Variants in PSMB11 observed in about 807,000 individuals in gnomAD.
PSMB11 encodes proteasome subunit beta type-11.
For missense variants in PSMB11, 411 were observed against 408.2 expected, an observed-to-expected ratio of 1.01 and a Z score of -0.06; for synonymous variants, 163 against 167.7, an observed-to-expected ratio of 0.97 and a Z score of 0.22.
chr14:23,042,978 C>T lies in PSMB11; in HGVS notation c.753C>T (p.Leu251=), dbSNP rs2047022549. ...ACVLYVELQK[L]LEPEPEEDAS... is the part of the protein sequence containing the mutation. ...TGCTGTACGTGGAGTTACAGAAGCT[C>T]CTGGAGCCGGAGCCAGAGGAGGATG... Residue 251 remains leucine (L), a synonymous_variant, in exon 1 of 1, where the codon CTC becomes CTT. Coordinates refer to ENST00000408907, the MANE Select transcript of PSMB11 (RefSeq NM_001099780.2). The T allele has an allele frequency of 1.9e-6, 3 of 1,614,126 alleles. No homozygotes were observed. The highest frequency in any genetic ancestry group is 1.3e-5 in the African/African-American group (1 of 75,038).
rs572934212 is a variant in PSMB11 at position 23,042,460 on chromosome 14, GC to G, written c.237del (p.Ser80HisfsTer38). ...SSCGSYVACP[A>X]SCKVIPVHQH... ...CTGTGGCAGCTATGTGGCGTGTCCA[GC>G]CTCATGCAAGGTCATCCCTGTGCAC... On this transcript the variant is annotated frameshift_variant, in exon 1 of 1. Transcript: ENST00000408907. LOFTEE classifies it low-confidence loss of function (END_TRUNC). 8,121 of 1,614,094 alleles carry G rather than the reference GC, an allele frequency of 5.0e-3. 47 individuals carry two copies. The highest frequency in any genetic ancestry group is 5.0e-3 in the Non-Finnish European group (5,873 of 1,180,042).
At position 23,043,035 on chromosome 14, in the gene PSMB11, C is replaced by T. The variant is rs1430820848; in HGVS notation, c.810C>T (p.Ala270=). The T allele has an allele frequency of 6.2e-7, 1 of 1,613,968 alleles. No individual in the cohort carries two copies. The highest frequency in any genetic ancestry group is 1.6e-4 in the Middle Eastern group (1 of 6,062). ...ATGCCCATCCTGAGCCTGCCACTGC[C>T]CACAGAGCTGCAGAAGATAGAGAGC... The part of the protein sequence containing the change: ...ASHAHPEPAT[A]HRAAEDRELS... The change falls in exon 1 of 1, where the codon GCC becomes GCT. Residue 270 remains alanine (A), a synonymous_variant. Coordinates refer to ENST00000408907, the MANE Select transcript of PSMB11 (RefSeq NM_001099780.2).
In PSMB11 at chr14:23,042,367, C is replaced by T; in HGVS notation, c.142C>T (p.His48Tyr). 6.2e-7 allele frequency: 1 copy of T among 1,613,772 alleles called. No homozygotes were observed. Among genetic ancestry groups the T allele is most frequent in the Non-Finnish European group, 8.5e-7 (1 of 1,180,026 alleles). Residue 48 changes from histidine (H) to tyrosine (Y), a missense_variant, in exon 1 of 1, where the codon CAC becomes TAC. Physicochemically the swap from His to Tyr is moderately conservative, Grantham distance 83. Coordinates refer to ENST00000408907, the MANE Select transcript of PSMB11 (RefSeq NM_001099780.2). ...GCAGATCCATGGCCCCAGACTGGCCCACGGCACCACCACTCTGGCCTTCCG... is the reference window on the plus strand; with the variant it reads ...GCAGATCCATGGCCCCAGACTGGCCTACGGCACCACCACTCTGGCCTTCCG... ...FLQIHGPRLA[H>Y]GTTTLAFRFR...
Position 23,042,656 on chromosome 14 carries a change from TC to T in PSMB11, c.432del (p.Cys145ValfsTer44), listed in dbSNP as rs1205325070. The T allele has an allele frequency of 1.9e-6, 3 of 1,614,016 alleles. No homozygotes were observed. Among genetic ancestry groups the T allele is most frequent in the Non-Finnish European group, 2.5e-6 (3 of 1,180,034 alleles). On this transcript the variant is annotated frameshift_variant, in exon 1 of 1. Transcript: ENST00000408907. LOFTEE classifies it low-confidence loss of function (END_TRUNC). ...ATGTCTCAATACCGGGGACTGGATC[TC>T]TGTGTGGCCACTGCCCTCTGCGGCT... ...AMMSQYRGLD[L>X]CVATALCGWD...
chr14:23,042,726 C>A lies in PSMB11; in HGVS notation c.501C>A (p.Gly167=), dbSNP rs370430852. ...GPELFYVYSD[G]TRLQGDIFSV... ...AGCTCTTCTACGTCTATAGCGACGGCACCCGCCTGCAGGGGGACATCTTCT... is the reference window on the plus strand; with the variant it reads ...AGCTCTTCTACGTCTATAGCGACGGAACCCGCCTGCAGGGGGACATCTTCT... The change falls in exon 1 of 1, where the codon GGC becomes GGA. Residue 167 remains glycine (G), a synonymous_variant. Transcript: ENST00000408907. 1 of 1,612,796 alleles carries A rather than the reference C, an allele frequency of 6.2e-7. No individual in the cohort carries two copies. The highest frequency in any genetic ancestry group is 8.5e-7 in the Non-Finnish European group (1 of 1,179,830).
In PSMB11 at chr14:23,042,506, C is replaced by G. The variant is rs760961422; in HGVS notation, c.281C>G (p.Thr94Ser). The change falls in exon 1 of 1, where the codon ACC (threonine) becomes AGC (serine). Residue 94 changes from threonine to serine, a missense_variant. By Grantham distance (58) the Thr-to-Ser change is moderately conservative. Transcript: ENST00000408907. ...GTGCACCAGCACCTCCTGGGTACCA[C>G]CTCTGGCACCTCTGCCGACTGTGCT... is the stretch of plus-strand genomic sequence containing the variant. ...IPVHQHLLGT[T>S]SGTSADCATW... The G allele has an allele frequency of 1.2e-6, 2 of 1,614,112 alleles. No individual in the cohort carries two copies. The highest frequency in any genetic ancestry group is 2.7e-5 in the African/African-American group (2 of 74,944).
At position 23,043,145 on chromosome 14, in the gene PSMB11, G is replaced by C; in HGVS notation, c.*17G>C. On this transcript the variant is annotated 3_prime_UTR_variant, in exon 1 of 1. Coordinates refer to ENST00000408907, the MANE Select transcript of PSMB11 (RefSeq NM_001099780.2). ...ACGGTGTGAGAAGCAGGACTTGGTTGGGGATGGTGTAGGCCTGGGGAGTGG... is the reference window on the plus strand; with the variant it reads ...ACGGTGTGAGAAGCAGGACTTGGTTCGGGATGGTGTAGGCCTGGGGAGTGG... The C allele has an allele frequency of 6.3e-7, 1 of 1,588,452 alleles. No homozygotes were observed. Among genetic ancestry groups the C allele is most frequent in the Non-Finnish European group, 8.6e-7 (1 of 1,164,576 alleles).
At position 23,042,847 on chromosome 14, in the gene PSMB11, G is replaced by GC. The variant is rs745974184; in HGVS notation, c.624dup (p.Val209ArgfsTer8). 12 of 1,613,306 alleles carry GC rather than the reference G, an allele frequency of 7.4e-6. No homozygotes were observed. In the African/African-American group the frequency reaches 1.6e-4, roughly 22 times the overall value. On this transcript the variant is annotated frameshift_variant, in exon 1 of 1. Coordinates refer to ENST00000408907, the MANE Select transcript of PSMB11 (RefSeq NM_001099780.2). LOFTEE classifies it low-confidence loss of function (END_TRUNC). The stretch of plus-strand genomic sequence containing the variant: ...GGAAGCCTACGCCCTGGCTCGCTGC[G>GC]CCGTGGCCCACGCCACCCACCGTGA...
chr14:23,042,548 T>A lies in PSMB11; in HGVS notation c.323T>A (p.Leu108Ter), dbSNP rs1262087400. Residue 108 changes from leucine to a stop codon, truncating the protein, a stop_gained, in exon 1 of 1, where the codon TTA becomes TAA. Coordinates refer to ENST00000408907, the MANE Select transcript of PSMB11 (RefSeq NM_001099780.2). LOFTEE classifies it low-confidence loss of function (END_TRUNC). ...GACTGTGCTACCTGGTATCGGGTAT[T>A]ACAGCGGGAGCTGCGGCTTCGGGAA... ...SADCATWYRV[L>*]QRELRLRELR... The A allele has an allele frequency of 6.2e-7, 1 of 1,614,232 alleles. No individual in the cohort carries two copies. Among genetic ancestry groups the A allele is most frequent in the Non-Finnish European group, 8.5e-7 (1 of 1,180,034 alleles).
chr14:23,042,886 G>A lies in PSMB11; in HGVS notation c.661G>A (p.Gly221Ser), dbSNP rs780954406. The A allele has an allele frequency of 1.1e-5, 17 of 1,614,034 alleles. No individual in the cohort carries two copies. Among genetic ancestry groups the A allele is most frequent in the Non-Finnish European group, 1.4e-5 (16 of 1,180,010 alleles). ...HATHRDAYSG[G>S]SVDLFHVRES... ...CACCCACCGTGATGCCTATTCAGGG[G>A]GCTCTGTAGACCTTTTCCACGTGCG... The change falls in exon 1 of 1, where the codon GGC becomes AGC. Residue 221 changes from glycine (G) to serine (S), a missense_variant. Coordinates refer to ENST00000408907, the MANE Select transcript of PSMB11 (RefSeq NM_001099780.2).
At position 23,043,058 on chromosome 14, in the gene PSMB11, A is replaced by G; in HGVS notation, c.833A>G (p.Glu278Gly). 6.2e-7 allele frequency: 1 copy of G among 1,613,716 alleles called. No homozygotes were observed. Among genetic ancestry groups the G allele is most frequent in the Admixed American group, 1.7e-5 (1 of 59,972 alleles). ...GCCCACAGAGCTGCAGAAGATAGAG[A>G]GCTCTCTGTGGGGCCAGGGGAGGTG... ...ATAHRAAEDR[E>G]LSVGPGEVTP... The change falls in exon 1 of 1, where the codon GAG becomes GGG. Residue 278 changes from glutamate to glycine, a missense_variant. Physicochemically the swap from Glu to Gly is moderately conservative, Grantham distance 98. Transcript: ENST00000408907.
rs993249646 is a variant in PSMB11 at position 23,042,359 on chromosome 14, G to A, written c.134G>A (p.Arg45Lys). ...ACCTTCCTGCAGATCCATGGCCCCA[G>A]ACTGGCCCACGGCACCACCACTCTG... ...PQTFLQIHGP[R>K]LAHGTTTLAF... Residue 45 changes from arginine to lysine, a missense_variant, in exon 1 of 1, where the codon AGA (arginine) becomes AAA (lysine). Physicochemically the swap from Arg to Lys is conservative, Grantham distance 26. Transcript: ENST00000408907. 19 of 1,613,746 alleles carry A rather than the reference G, an allele frequency of 1.2e-5. No homozygotes were observed. Among genetic ancestry groups the A allele is most frequent in the Non-Finnish European group, 1.6e-5 (19 of 1,180,028 alleles).
rs945047636 is a variant in PSMB11 at position 23,042,417 on chromosome 14, A to C, written c.192A>C (p.Ala64=). 70 of 1,613,846 alleles carry C rather than the reference A, an allele frequency of 4.3e-5. No individual in the cohort carries two copies. The highest frequency in any genetic ancestry group is 5.8e-5 in the Non-Finnish European group (69 of 1,180,050). The change falls in exon 1 of 1, where the codon GCA becomes GCC. Residue 64 remains alanine (A), a synonymous_variant. Coordinates refer to ENST00000408907, the MANE Select transcript of PSMB11 (RefSeq NM_001099780.2). ...AFRFRHGVIA[A]ADTRSSCGSY... is the part of the protein sequence containing the mutation. ...GCTTCCGTCATGGAGTCATTGCTGC[A>C]GCTGACACGCGTTCCTCCTGTGGCA...
rs572576775 is a variant in PSMB11 at position 23,042,845 on chromosome 14, G to T, written c.620G>T (p.Cys207Phe). Reference protein sequence around the residue: ...STQEAYALARCAVAHATHRDA... With the variant: ...STQEAYALARFAVAHATHRDA... The stretch of plus-strand genomic sequence containing the variant: ...CAGGAAGCCTACGCCCTGGCTCGCT[G>T]CGCCGTGGCCCACGCCACCCACCGT... The change falls in exon 1 of 1, where the codon TGC (cysteine) becomes TTC (phenylalanine). Residue 207 changes from cysteine to phenylalanine, a missense_variant. Cys to Phe is a radical substitution (Grantham distance 205). Coordinates refer to ENST00000408907, the MANE Select transcript of PSMB11 (RefSeq NM_001099780.2). The T allele has an allele frequency of 2.5e-6, 4 of 1,613,414 alleles. No homozygotes were observed. The highest frequency in any genetic ancestry group is 1.6e-4 in the Middle Eastern group (1 of 6,062).
rs540068225 is a variant in PSMB11 at position 23,042,384 on chromosome 14, G to C, written c.159G>C (p.Leu53=). 3.7e-6 allele frequency: 6 copies of C among 1,613,530 alleles called. No homozygotes were observed. The South Asian group carries it at 6.6e-5, about 18-fold the overall frequency. The part of the protein sequence containing the change: ...GPRLAHGTTT[L]AFRFRHGVIA... ...GACTGGCCCACGGCACCACCACTCT[G>C]GCCTTCCGCTTCCGTCATGGAGTCA... Residue 53 remains leucine (L), a synonymous_variant, in exon 1 of 1, where the codon CTG becomes CTC. Transcript: ENST00000408907.
In PSMB11 at chr14:23,042,571, G is replaced by A. The variant is rs1461922870; in HGVS notation, c.346G>A (p.Glu116Lys). The change falls in exon 1 of 1, where the codon GAA becomes AAA. Residue 116 changes from glutamate to lysine, a missense_variant. Transcript: ENST00000408907. ...ATTACAGCGGGAGCTGCGGCTTCGG[G>A]AACTGAGGGAGGGTCAGCTGCCCAG... ...RVLQRELRLR[E>K]LREGQLPSVA... The A allele has an allele frequency of 6.2e-7, 1 of 1,614,082 alleles. No individual in the cohort carries two copies. The highest frequency in any genetic ancestry group is 1.3e-5 in the African/African-American group (1 of 74,954).
At position 23,042,436 on chromosome 14, in the gene PSMB11, TG is replaced by T; in HGVS notation, c.212del (p.Cys71LeufsTer47). ...TGCTGCAGCTGACACGCGTTCCTCC[TG>T]TGGCAGCTATGTGGCGTGTCCAGCC... is the stretch of plus-strand genomic sequence containing the variant. ...VIAAADTRSS[C>X]GSYVACPASC... is the part of the protein sequence containing the mutation. On this transcript the variant is annotated frameshift_variant, in exon 1 of 1. Transcript: ENST00000408907. LOFTEE classifies it low-confidence loss of function (END_TRUNC). 1 of 1,614,068 alleles carries T rather than the reference TG, an allele frequency of 6.2e-7. No homozygotes were observed. Among genetic ancestry groups the T allele is most frequent in the Non-Finnish European group, 8.5e-7 (1 of 1,180,040 alleles).
chr14:23,042,512 G>T lies in PSMB11; in HGVS notation c.287G>T (p.Gly96Val). 6.2e-7 allele frequency: 1 copy of T among 1,614,208 alleles called. No homozygotes were observed. The highest frequency in any genetic ancestry group is 1.1e-5 in the South Asian group (1 of 91,080). The part of the protein sequence containing the change: ...VHQHLLGTTS[G>V]TSADCATWYR... ...CAGCACCTCCTGGGTACCACCTCTG[G>T]CACCTCTGCCGACTGTGCTACCTGG... Residue 96 changes from glycine (G) to valine (V), a missense_variant, in exon 1 of 1, where the codon GGC (glycine) becomes GTC (valine). Gly to Val is a moderately radical substitution (Grantham distance 109). Coordinates refer to ENST00000408907, the MANE Select transcript of PSMB11 (RefSeq NM_001099780.2).
At position 23,042,818 on chromosome 14, in the gene PSMB11, C is replaced by G. The variant is rs1285467261; in HGVS notation, c.593C>G (p.Thr198Ser). 1.2e-6 allele frequency: 2 copies of G among 1,612,990 alleles called. No individual in the cohort carries two copies. Among genetic ancestry groups the G allele is most frequent in the Non-Finnish European group, 1.7e-6 (2 of 1,180,030 alleles). The change falls in exon 1 of 1, where the codon ACC becomes AGC. Residue 198 changes from threonine (T) to serine (S), a missense_variant. Physicochemically the swap from Thr to Ser is moderately conservative, Grantham distance 58 (BLOSUM62 1). Transcript: ENST00000408907. ...CGTGGCTATCGCTACGACATGAGCA[C>G]CCAGGAAGCCTACGCCCTGGCTCGC... is the stretch of plus-strand genomic sequence containing the variant. ...LDRGYRYDMS[T>S]QEAYALARCA...
Sources: allele counts gnomAD v4.1 joint callset, GRCh38; gene constraint gnomAD v4.1.1; transcripts MANE v1.5; gene names NCBI Gene and HGNC (gene_info 2026-07-23, HGNC 2026-07-21).